RTN1: variants seen among roughly 807,000 people sequenced by gnomAD.
RTN1 encodes reticulon 1, also known as reticulon-1.
Under a neutral mutation model 65.5 loss-of-function variants are expected in RTN1, and 25 were observed. The ratio of observed to expected loss-of-function variants is 0.38; its 90% confidence interval spans 0.28 to 0.53. The LOEUF is 0.53. Among genes scored for constraint, RTN1 ranks in the 20% least tolerant of loss-of-function variants. The pLI is 0.79. For synonymous variants in RTN1, 471 were observed against 447.6 expected (o/e 1.05, Z -0.66); for missense variants, 983 against 1,025.4 (o/e 0.96, Z 0.57).
At chr14:59,603,601 T>C (rs1034208124) in intron 6 of RTN1, among the ~76,000 whole-genome samples, 1 of 151,846 alleles carries the variant, frequency 6.6e-6, no homozygotes, top group Non-Finnish European at 1.5e-5. Context: ...AATATATATA[T>C]TACAAGCCAG....
rs758712089 is a variant in RTN1, at chr14:59,868,954, G to A, written c.241+1436C>T. ...GGATGCAGAAGTTGAAAGAGAGACT[G>A]AGCAGCCATTCTTAGATTTAAATCC... On this transcript the variant is annotated intron_variant, in intron 1 of 8. Coordinates refer to ENST00000267484, the MANE Select transcript of RTN1 (RefSeq NM_021136.3). The surrounding 1 kb of genome is among the most constrained non-coding windows in gnomAD (Gnocchi z 4.0). 2.6e-5 allele frequency among the ~76,000 whole-genome samples: 4 copies of A among 152,142 alleles called. No homozygotes were observed. The highest frequency in any genetic ancestry group is 2.9e-5 in the Non-Finnish European group (2 of 68,028).
intron 3 of RTN1, among the ~76,000 whole-genome samples, chr14:59,664,793 G>A (rs1230537533): frequency 6.6e-6 from 1 of 152,144 alleles, no homozygotes; most frequent in African/African-American, 2.4e-5. Flanking sequence ...TATAACTGCT[G>A]TGAACATCTG....
At chr14:59,833,696 C>T (rs1418795095) in intron 1 of RTN1, among the ~76,000 whole-genome samples, 1 of 152,126 alleles carries the variant, frequency 6.6e-6, no homozygotes, top group Non-Finnish European at 1.5e-5. Context: ...GCCCTCCACC[C>T]TCAAGTAGGC....
intron 3 of RTN1, among the ~76,000 whole-genome samples, chr14:59,695,143 G>A (rs1383789704): frequency 6.6e-6 from 1 of 152,196 alleles, no homozygotes; most frequent in Non-Finnish European, 1.5e-5. Context: ...ACGGTTGAGT[G>A]ATGGGGTGAG....
intron 1 of RTN1, among the ~76,000 whole-genome samples, chr14:59,806,816 C>T (rs1372528808): frequency 1.3e-5 from 2 of 152,230 alleles, no homozygotes; most frequent in South Asian, 2.1e-4. Flanking sequence ...TTTATAGCTG[C>T]ATAGTATTCC....
chr14:59,834,973 T>C (rs1887189070), intron 1 of RTN1, among the ~76,000 whole-genome samples: 3 of 152,240 alleles, frequency 2.0e-5, no homozygotes, highest in African/African-American at 7.2e-5. Context: ...GTATACCTAC[T>C]TTATGATCCA....
chr14:59,865,444 G>A (rs949628819), intron 1 of RTN1, among the ~76,000 whole-genome samples: 11 of 152,098 alleles, frequency 7.2e-5, no homozygotes, highest in African/African-American at 2.7e-4. Context: ...CTTATCCTGG[G>A]ATCCCAGTAT....
intron 2 of RTN1, among the ~76,000 whole-genome samples, chr14:59,733,947 C>A (rs1451972629): frequency 1.3e-5 from 2 of 152,150 alleles, no homozygotes; most frequent in African/African-American, 4.8e-5. Flanking sequence ...GACCTCCCAA[C>A]CAGGGTCTCC....
At chr14:59,759,384 A>T (rs1885703468) in intron 1 of RTN1, among the ~76,000 whole-genome samples, 1 of 152,168 alleles carries the variant, frequency 6.6e-6, no homozygotes, top group Admixed American at 6.6e-5. Context: ...CCCTGGACCG[A>T]TTACCTAATA....
chr14:59,736,250 TA>T, intron 2 of RTN1, among the ~76,000 whole-genome samples: 2 of 151,996 alleles, frequency 1.3e-5, no homozygotes, highest in African/African-American at 2.4e-5. Flanking sequence ...GCTGTTTTTT[TA>T]AAAAATAATT....
intron 3 of RTN1, among the ~76,000 whole-genome samples, chr14:59,634,141 G>A (rs8011640): frequency 0.4 from 61,245 of 151,944 alleles, 12,939 homozygotes; most frequent in African/African-American, 0.51. Context: ...GTGAAAATTT[G>A]CTATTTTATA....
rs561780235 is a variant in RTN1, at chr14:59,627,023, C to T, written c.1766-19531G>A. ...GTGTTAGTAAGATAGGCAGTGAGTG[C>T]TGAGATGGGAGGAGTTATGGATTTG... On this transcript the variant is annotated intron_variant, in intron 3 of 8. Coordinates refer to ENST00000267484, the MANE Select transcript of RTN1 (RefSeq NM_021136.3). Among the ~76,000 whole-genome samples, 24 of 152,238 alleles carry T rather than the reference C, an allele frequency of 1.6e-4. No homozygotes were observed. The East Asian group carries it at 2.1e-3, about 13-fold the overall frequency.
At chr14:59,782,175 C>A (rs564360979) in intron 1 of RTN1, among the ~76,000 whole-genome samples, 1 of 152,250 alleles carries the variant, frequency 6.6e-6, no homozygotes, top group South Asian at 2.1e-4. Flanking sequence ...CCTTCCCAGC[C>A]TCTGGATCTG....
At chr14:59,684,159 C>CT (rs890185197) in intron 3 of RTN1, among the ~76,000 whole-genome samples, 1 of 151,964 alleles carries the variant, frequency 6.6e-6, no homozygotes, top group African/African-American at 2.4e-5. Flanking sequence ...ACTCTTCTAA[C>CT]TTTTTTTATT....
chr14:59,864,790 A>G (rs2139679219), intron 1 of RTN1, among the ~76,000 whole-genome samples: 1 of 152,288 alleles, frequency 6.6e-6, no homozygotes, highest in East Asian at 1.9e-4. Flanking sequence ...TGTACCTTTT[A>G]GATTTTAATA....
At chr14:59,843,993 A>G (rs1887360524) in intron 1 of RTN1, among the ~76,000 whole-genome samples, 1 of 152,220 alleles carries the variant, frequency 6.6e-6, no homozygotes, top group Admixed American at 6.5e-5. Context: ...AATTTGCTCC[A>G]TGAAAAAGGC....
chr14:59,662,660 T>C (rs1883276815), intron 3 of RTN1, among the ~76,000 whole-genome samples: 1 of 152,074 alleles, frequency 6.6e-6, no homozygotes, highest in Non-Finnish European at 1.5e-5. Flanking sequence ...TGAACTCCCA[T>C]TCACAATTGC....
intron 3 of RTN1, among the ~76,000 whole-genome samples, chr14:59,637,313 C>T (rs1293970414): frequency 6.6e-6 from 1 of 152,200 alleles, no homozygotes; most frequent in African/African-American, 2.4e-5. Flanking sequence ...TGCACCAATT[C>T]AGTCATATCT....
At chr14:59,768,847 G>C (rs1460813001) in intron 1 of RTN1, among the ~76,000 whole-genome samples, 1 of 152,120 alleles carries the variant, frequency 6.6e-6, no homozygotes, top group East Asian at 1.9e-4. Flanking sequence ...TCTTTAAAAT[G>C]ACCCTATAAG....
Sources: allele counts gnomAD v4.1 joint callset (sites outside exome capture counted in the v4.1 genomes callset), GRCh38; gene constraint gnomAD v4.1.1; non-coding constraint Gnocchi (gnomAD v3.1); transcripts MANE v1.5; gene names NCBI Gene and HGNC (gene_info 2026-07-23, HGNC 2026-07-21).